The following COQ10B variants were observed in gnomAD, a reference collection of about 807,000 sequenced individuals.
COQ10B encodes coenzyme Q10B.
COQ10B carries 12 observed loss-of-function variants against 27.6 expected under a neutral mutation model. The ratio of observed to expected loss-of-function variants is 0.43; its 90% confidence interval spans 0.28 to 0.70. The LOEUF is 0.70. Ranked by LOEUF, COQ10B falls within the 30% of genes least tolerant of loss-of-function variation. The pLI is 0.17. For missense variants in COQ10B, 278 were observed against 288.7 expected (o/e 0.96, Z 0.27); for synonymous variants, 115 against 103.0 (o/e 1.12, Z -0.71).
At chr2:197,461,995 C>T (rs980721715) in intron 2 of COQ10B, among the ~76,000 whole-genome samples, 7 of 151,490 alleles carry the variant, frequency 4.6e-5, no homozygotes, top group Non-Finnish European at 7.4e-5. Context: ...TTAGGCCGGG[C>T]GCGGTGGCTC....
intron 3 of COQ10B, among the ~76,000 whole-genome samples, chr2:197,466,883 T>C (rs931427223): frequency 1.3e-5 from 2 of 152,140 alleles, no homozygotes; most frequent in Admixed American, 1.3e-4. Flanking sequence ...GCTAGTTTGT[T>C]TTTTAAAGAC....
Position 197,475,131 on chromosome 2 carries a change from A to G in COQ10B, c.*1207A>G, listed in dbSNP as rs1359923072. 6.6e-6 allele frequency: 1 copy of G among 152,326 alleles called. No homozygotes were observed. The highest frequency in any genetic ancestry group is 1.5e-5 in the Non-Finnish European group (1 of 68,044). The allele number at this position is 152,326 out of a possible 1,614,324, so 9.4% of individuals were successfully genotyped here. On this transcript the variant is annotated 3_prime_UTR_variant, in exon 5 of 5. Transcript: ENST00000263960. ...AAGTTAATTTGTTTATTTTTTGTAC[A>G]GTTAGTTTGGTTATTGAAATCTTCC...
At chr2:197,466,200 A>G (rs147276790) in intron 3 of COQ10B, among the ~76,000 whole-genome samples, 2 of 152,316 alleles carry the variant, frequency 1.3e-5, no homozygotes, top group East Asian at 3.9e-4. Context: ...ACGTAATACT[A>G]TACTTGATGT....
chr2:197,473,767 A>G lies in COQ10B; in HGVS notation c.560A>G (p.Glu187Gly), dbSNP rs2085918588. The G allele has an allele frequency of 6.7e-7, 1 of 1,487,030 alleles. No individual in the cohort carries two copies. The highest frequency in any genetic ancestry group is 1.4e-5 in the African/African-American group (1 of 70,188). The allele number at this position is 1,487,030 out of a possible 1,614,324, so 92.1% of individuals were successfully genotyped here. A position where few individuals can be genotyped will look rare whatever the true frequency, so the allele number is the denominator to read the frequency against. Residue 187 changes from glutamate to glycine, a missense_variant, in exon 5 of 5, where the codon GAA becomes GGA. Physicochemically the swap from Glu to Gly is moderately conservative, Grantham distance 98. Transcript: ENST00000263960. ...AATATTTTCCTACAGATTTCTTTTGAATTTCGATCACTTCTACATTCCCAG... is the reference window on the plus strand; with the variant it reads ...AATATTTTCCTACAGATTTCTTTTGGATTTCGATCACTTCTACATTCCCAG... ...TCTLDFSISFEFRSLLHSQLA... is the reference protein window; with the variant it reads ...TCTLDFSISFGFRSLLHSQLA...
At chr2:197,473,477 CGTATATATATGTATAT>C (rs2085905741) in intron 4 of COQ10B, among the ~76,000 whole-genome samples, 1 of 124,110 alleles carries the variant, frequency 8.1e-6, no homozygotes, top group African/African-American at 3.0e-5. Context: ...TATATATACA[CGTATATATATGTATAT>C]ACGTATATAT....
chr2:197,470,947 A>G (rs1288450286), intron 4 of COQ10B, among the ~76,000 whole-genome samples: 1 of 152,146 alleles, frequency 6.6e-6, no homozygotes, highest in Admixed American at 6.6e-5. Flanking sequence ...GCCCACCAGT[A>G]GTCCTAGCTG....
At chr2:197,465,532 T>A (rs1184755439) in intron 3 of COQ10B, among the ~76,000 whole-genome samples, 1 of 152,086 alleles carries the variant, frequency 6.6e-6, no homozygotes, top group African/African-American at 2.4e-5. Flanking sequence ...CCTCAGGTGA[T>A]CTGTCTGCCT....
At chr2:197,463,986 TATATATATATACACACAC>T (rs1234604080) in intron 3 of COQ10B, among the ~76,000 whole-genome samples, 87 of 83,710 alleles carry the variant, frequency 1.0e-3, no homozygotes, top group African/African-American at 4.1e-3. Context: ...TATATATATA[TATATATATATACACACAC>T]ACACACACAC....
chr2:197,453,740 G>T, intron 1 of COQ10B, 76 bp downstream of exon 1: 1 of 1,306,852 alleles, frequency 7.7e-7, no homozygotes, highest in East Asian at 2.3e-5. Flanking sequence ...GGAAGGATTT[G>T]GGGGTGAGGC....
At chr2:197,469,872 GAAA>G (rs374357908) in intron 3 of COQ10B, among the ~76,000 whole-genome samples, 195 bp from the exon 4 acceptor site, 2 of 139,164 alleles carry the variant, frequency 1.4e-5, no homozygotes, top group Admixed American at 7.2e-5. Context: ...ATCCCTGCAG[GAAA>G]AAAAAAAAAG....
chr2:197,471,314 G>A (rs929377048), intron 4 of COQ10B, among the ~76,000 whole-genome samples: 5 of 151,790 alleles, frequency 3.3e-5, no homozygotes, highest in Non-Finnish European at 2.9e-5. Context: ...GCTTATTTTT[G>A]TATTCTATGT....
intron 3 of COQ10B, among the ~76,000 whole-genome samples, chr2:197,468,092 C>T (rs888645987): frequency 1.3e-5 from 2 of 152,178 alleles, no homozygotes; most frequent in African/African-American, 2.4e-5. Context: ...AAAATCCGTG[C>T]GTCCTTGGGC....
At chr2:197,455,335 G>T (rs974848493) in intron 1 of COQ10B, among the ~76,000 whole-genome samples, 3 of 152,074 alleles carry the variant, frequency 2.0e-5, no homozygotes, top group Non-Finnish European at 4.4e-5. Context: ...TCCAACAACA[G>T]ATGAATGGTA....
chr2:197,459,886 T>G, intron 1 of COQ10B, 46 bp from the exon 2 acceptor site: 2 of 1,456,522 alleles, frequency 1.4e-6, no homozygotes, highest in Non-Finnish European at 1.9e-6. Flanking sequence ...GTGCTTCCTT[T>G]TAATTTTTAC....
At chr2:197,461,786 G>C (rs892710899) in intron 2 of COQ10B, among the ~76,000 whole-genome samples, 1 of 151,872 alleles carries the variant, frequency 6.6e-6, no homozygotes, top group African/African-American at 2.4e-5. Context: ...GATTACAAGC[G>C]TGTGCCACCA....
chr2:197,463,080 G>A (rs905920304), intron 3 of COQ10B, among the ~76,000 whole-genome samples: 2 of 152,098 alleles, frequency 1.3e-5, no homozygotes, highest in South Asian at 4.1e-4. Flanking sequence ...TGGGGGAAGA[G>A]TAAATTTGTT....
intron 4 of COQ10B, among the ~76,000 whole-genome samples, chr2:197,472,255 A>G (rs953313838): frequency 6.6e-6 from 1 of 152,140 alleles, no homozygotes; most frequent in Non-Finnish European, 1.5e-5. Flanking sequence ...TCTATATGGA[A>G]CAATGAGAGG....
intron 3 of COQ10B, among the ~76,000 whole-genome samples, chr2:197,466,302 A>G (rs567127398): frequency 6.6e-6 from 1 of 152,290 alleles, no homozygotes; most frequent in South Asian, 2.1e-4. Flanking sequence ...TTATTCTTCT[A>G]TCTGTAATGC....
chr2:197,454,639 A>AT (rs2106042964), intron 1 of COQ10B, among the ~76,000 whole-genome samples: 2 of 152,240 alleles, frequency 1.3e-5, no homozygotes, highest in South Asian at 4.1e-4. Flanking sequence ...TTCAAGCAGA[A>AT]TAACGCCATC....
Sources: allele counts gnomAD v4.1 joint callset (sites outside exome capture counted in the v4.1 genomes callset), GRCh38; gene constraint gnomAD v4.1.1; transcripts MANE v1.5; gene names NCBI Gene and HGNC (gene_info 2026-07-23, HGNC 2026-07-21).